CACNB4: variants seen among roughly 807,000 people sequenced by gnomAD.
CACNB4 encodes voltage-dependent L-type calcium channel subunit beta-4.
A neutral mutation model predicts 71.2 loss-of-function variants in CACNB4; 32 were observed. The observed-to-expected ratio is 0.45, with a 90% CI of 0.34 to 0.60. The LOEUF (loss-of-function observed/expected upper bound fraction) is 0.60, where lower values mean the gene tolerates loss of function less well. Ranked by LOEUF, CACNB4 falls within the 20% of genes least tolerant of loss-of-function variation. The pLI is 0.01. For synonymous variants in CACNB4, 231 were observed against 236.9 expected (o/e 0.97, Z 0.23); for missense variants, 464 against 647.9 (o/e 0.72, Z 3.08).
intron 2 of CACNB4, among the ~76,000 whole-genome samples, chr2:151,927,739 T>C (rs574263936): frequency 6.6e-6 from 1 of 152,044 alleles, no homozygotes; most frequent in East Asian, 1.9e-4. Flanking sequence ...GCTGAGTAGG[T>C]GGAGGGTTGG....
chr2:151,968,671 G>GT (rs1192498857), intron 2 of CACNB4: 1 of 152,148 alleles, frequency 6.6e-6, no homozygotes, highest in Non-Finnish European at 1.5e-5. Context: ...ATTTTTCACG[G>GT]TTATTGCTGA....
chr2:152,073,034 AC>A (rs1686788190), intron 2 of CACNB4, among the ~76,000 whole-genome samples: 1 of 152,156 alleles, frequency 6.6e-6, no homozygotes, highest in Non-Finnish European at 1.5e-5. Flanking sequence ...CCTTGAACTT[AC>A]GCTTTTGCTG....
At chr2:152,047,464 C>T (rs998046808) in intron 2 of CACNB4, among the ~76,000 whole-genome samples, 9 of 152,246 alleles carry the variant, frequency 5.9e-5, no homozygotes, top group African/African-American at 1.4e-4. Flanking sequence ...TTTGAATCCA[C>T]ATACGACCTG....
intron 2 of CACNB4, among the ~76,000 whole-genome samples, chr2:152,031,846 T>A (rs1684298310): frequency 6.6e-6 from 1 of 152,190 alleles, no homozygotes; most frequent in African/African-American, 2.4e-5. Flanking sequence ...ACTGATATTT[T>A]CCTCCATTAC....
chr2:151,869,551 A>T (rs866525117), intron 8 of CACNB4: 4 of 233,292 alleles, frequency 1.7e-5, no homozygotes, highest in Admixed American at 5.3e-5. Context: ...GGCTTTGTAC[A>T]CAGGTGCCGG....
chr2:152,026,954 T>C (rs945297554), intron 2 of CACNB4, among the ~76,000 whole-genome samples: 2 of 151,844 alleles, frequency 1.3e-5, no homozygotes, highest in Non-Finnish European at 2.9e-5. Context: ...TCACCCAGGC[T>C]GGAGTGCAGT....
intron 2 of CACNB4, among the ~76,000 whole-genome samples, chr2:151,930,171 C>G (rs1482422466): frequency 6.6e-6 from 1 of 152,068 alleles, no homozygotes; most frequent in Non-Finnish European, 1.5e-5. Flanking sequence ...TAACCCTAAA[C>G]AGAGTTCAGA....
In CACNB4 at chr2:151,872,399, T is replaced by G; in HGVS notation, c.598+18A>C. On this transcript the variant is annotated intron_variant, in intron 6 of 13. Coordinates refer to ENST00000539935, the MANE Select transcript of CACNB4 (RefSeq NM_000726.5). ...AAGGAATACAGTGTATGAAAAAGAG[T>G]TTAACTACAACCCTCACCTGTTGAT... 1 of 1,459,936 alleles carries G rather than the reference T, an allele frequency of 6.8e-7. No homozygotes were observed. Among genetic ancestry groups the G allele is most frequent in the East Asian group, 2.3e-5 (1 of 43,918 alleles). 90.4% of individuals were successfully genotyped at this position (1,459,936 alleles called of 1,614,324 possible). A position where few individuals can be genotyped will look rare whatever the true frequency, so the allele number is the denominator to read the frequency against.
intron 2 of CACNB4, among the ~76,000 whole-genome samples, chr2:151,906,536 G>A (rs537543162): frequency 2.0e-5 from 3 of 152,152 alleles, no homozygotes; most frequent in South Asian, 2.1e-4. Context: ...CTCCTTTGGG[G>A]TTAGCCATAT....
At chr2:151,956,690 T>C (rs958914447) in intron 2 of CACNB4, among the ~76,000 whole-genome samples, 20 of 152,246 alleles carry the variant, frequency 1.3e-4, no homozygotes, top group Admixed American at 1.0e-3. Flanking sequence ...GTGAATTATA[T>C]GCAGTGAAGC....
chr2:152,014,673 G>A (rs1257333387), intron 2 of CACNB4, among the ~76,000 whole-genome samples: 2 of 151,402 alleles, frequency 1.3e-5, no homozygotes, highest in Non-Finnish European at 2.9e-5. Flanking sequence ...GGAGGTTGCA[G>A]TGAGCTGAGA....
At chr2:151,919,572 T>C (rs2099858390) in intron 2 of CACNB4, among the ~76,000 whole-genome samples, 1 of 152,116 alleles carries the variant, frequency 6.6e-6, no homozygotes, top group Non-Finnish European at 1.5e-5. Context: ...GCACTCCCCC[T>C]CAGGGTCCTG....
intron 12 of CACNB4, among the ~76,000 whole-genome samples, chr2:151,846,900 G>C (rs146677482): frequency 9.3e-4 from 141 of 151,748 alleles, no homozygotes; most frequent in East Asian, 8.7e-3. Context: ...GCTAGACAGG[G>C]GATTAAATGT....
intron 2 of CACNB4, among the ~76,000 whole-genome samples, chr2:151,915,254 C>T (rs567406357): frequency 7.9e-5 from 12 of 152,326 alleles, no homozygotes; most frequent in African/African-American, 2.9e-4. Flanking sequence ...GGACACTGGC[C>T]ACAAACTAAC....
At chr2:151,882,918 G>A (rs1224241470) in intron 3 of CACNB4, 1 of 363,266 alleles carries the variant, frequency 2.8e-6, no homozygotes, top group Non-Finnish European at 5.3e-6. Context: ...TGAAGTAATG[G>A]ATGAGGAGGG....
At chr2:152,024,049 G>GT (rs1683827677) in intron 2 of CACNB4, among the ~76,000 whole-genome samples, 1 of 152,226 alleles carries the variant, frequency 6.6e-6, no homozygotes, top group Admixed American at 6.5e-5. Context: ...GCTGGGCACA[G>GT]TGGCTCACGC....
At chr2:152,093,413 G>GTC (rs1267254380) in intron 2 of CACNB4, among the ~76,000 whole-genome samples, 1 of 151,820 alleles carries the variant, frequency 6.6e-6, no homozygotes, top group Non-Finnish European at 1.5e-5. Context: ...GTGTGTGTGT[G>GTC]TGTGTGTGTG....
intron 2 of CACNB4, among the ~76,000 whole-genome samples, chr2:151,913,245 A>C (rs1397119364): frequency 1.3e-5 from 2 of 152,102 alleles, no homozygotes; most frequent in East Asian, 1.9e-4. Context: ...TAGTTGATGC[A>C]GTTTCTTCAT....
intron 2 of CACNB4, among the ~76,000 whole-genome samples, chr2:151,921,265 T>A (rs1295571371): frequency 6.6e-6 from 1 of 152,068 alleles, no homozygotes; most frequent in Non-Finnish European, 1.5e-5. Context: ...AAGGCATAGT[T>A]TCATCATCTA....
Sources: allele counts gnomAD v4.1 joint callset (sites outside exome capture counted in the v4.1 genomes callset), GRCh38; gene constraint gnomAD v4.1.1; transcripts MANE v1.5; gene names NCBI Gene and HGNC (gene_info 2026-07-23, HGNC 2026-07-21).